Variants in DAB1 observed in about 807,000 individuals in gnomAD.
DAB1 encodes the protein disabled homolog 1.
Under a neutral mutation model 64.6 loss-of-function variants are expected in DAB1, and 15 were observed. That is an observed-to-expected ratio of 0.23 (90% CI 0.16 to 0.36). DAB1 has a LOEUF of 0.36. DAB1 is among the 10% of genes least tolerant of loss of function. The pLI is 1.00. For synonymous variants in DAB1, 235 were observed against 251.9 expected, an observed-to-expected ratio of 0.93 and a Z score of 0.64; for missense variants, 596 against 706.7, an observed-to-expected ratio of 0.84 and a Z score of 1.78.
intron 5 of DAB1, among the ~76,000 whole-genome samples, chr1:58,030,021 C>A (rs546614023): frequency 4.6e-5 from 7 of 152,144 alleles, no homozygotes; most frequent in African/African-American, 1.7e-4. Flanking sequence ...ACCTGGCCAA[C>A]AAGGTGAAAC....
intron 9 of DAB1, among the ~76,000 whole-genome samples, chr1:57,026,288 A>T (rs894534374): frequency 6.6e-6 from 1 of 152,202 alleles, no homozygotes; most frequent in East Asian, 1.9e-4. Context: ...CTGCCCATTA[A>T]TCACTTCCCA....
At chr1:57,254,945 T>TA (rs891788846) in intron 2 of DAB1, among the ~76,000 whole-genome samples, 1 of 151,762 alleles carries the variant, frequency 6.6e-6, no homozygotes, top group African/African-American at 2.4e-5. Context: ...CCTTAAACAT[T>TA]AAAAAAAATG....
chr1:57,674,218 G>T (rs779354348), intron 6 of DAB1, among the ~76,000 whole-genome samples: 1 of 152,132 alleles, frequency 6.6e-6, no homozygotes, highest in Non-Finnish European at 1.5e-5. Context: ...GAAGGCATTT[G>T]AAAAACTCTT....
chr1:57,303,086 A>G (rs1270167529), intron 1 of DAB1, among the ~76,000 whole-genome samples: 4 of 152,342 alleles, frequency 2.6e-5, no homozygotes, highest in Non-Finnish European at 4.4e-5. Flanking sequence ...CCTGATGTAG[A>G]CGACTGAGAT....
chr1:57,478,019 A>G (rs1358209292), intron 7 of DAB1, among the ~76,000 whole-genome samples: 2 of 151,696 alleles, frequency 1.3e-5, no homozygotes, highest in Non-Finnish European at 2.9e-5. Context: ...CGTCATTTAC[A>G]TTAGGTATCT....
upstream of DAB1, among the ~76,000 whole-genome samples, chr1:57,424,433 G>A (rs944554207): frequency 1.3e-5 from 2 of 151,976 alleles, no homozygotes; most frequent in African/African-American, 4.8e-5. Context: ...AAGGGGGAGA[G>A]ACGAGCCGAG....
chr1:57,956,926 C>G (rs1645406127), intron 5 of DAB1, among the ~76,000 whole-genome samples: 1 of 152,176 alleles, frequency 6.6e-6, no homozygotes. Flanking sequence ...AAATTACTCC[C>G]TCAGAAAAAC....
At chr1:57,659,978 AAAATAAATAAATAAAT>A (rs55782137) in intron 6 of DAB1, among the ~76,000 whole-genome samples, 6 of 138,756 alleles carry the variant, frequency 4.3e-5, no homozygotes, top group East Asian at 2.1e-4. Flanking sequence ...CTCTCTCTCA[AAAATAAATAAATAAAT>A]AAATAAATAA....
At chr1:58,543,118 G>A (rs987961044) in intron 1 of DAB1, among the ~76,000 whole-genome samples, 8 of 152,102 alleles carry the variant, frequency 5.3e-5, no homozygotes, top group African/African-American at 1.4e-4. Context: ...TGAAACCATT[G>A]TACTTCCTAC....
chr1:58,085,094 G>GA (rs1650222487), intron 5 of DAB1, among the ~76,000 whole-genome samples: 1 of 152,118 alleles, frequency 6.6e-6, no homozygotes, highest in South Asian at 2.1e-4. Context: ...TTATCAGGAG[G>GA]AAAAAATGAA....
chr1:57,566,120 C>T (rs562261148), intron 7 of DAB1, among the ~76,000 whole-genome samples: 3 of 152,282 alleles, frequency 2.0e-5, no homozygotes, highest in Admixed American at 2.0e-4. Flanking sequence ...GATTAAGAAA[C>T]TCACTCAAAA....
chr1:58,417,036 C>A (rs1218334451), intron 3 of DAB1, among the ~76,000 whole-genome samples: 1 of 152,116 alleles, frequency 6.6e-6, no homozygotes, highest in African/African-American at 2.4e-5. Context: ...TTCTTTTTCA[C>A]TTTTTTAATG....
intron 3 of DAB1, chr1:58,462,817 G>A (rs1376360403): frequency 6.6e-6 from 1 of 152,192 alleles, no homozygotes; most frequent in East Asian, 1.9e-4. Context: ...GATGAAGACA[G>A]ACATACCTCT....
chr1:57,095,507 C>T (rs1654076628), intron 4 of DAB1, among the ~76,000 whole-genome samples: 1 of 152,180 alleles, frequency 6.6e-6, no homozygotes, highest in Admixed American at 6.5e-5. Flanking sequence ...CTTAGACTCC[C>T]CATTTCAAAC....
intron 1 of DAB1, among the ~76,000 whole-genome samples, chr1:57,315,112 C>T (rs2100745709): frequency 1.3e-5 from 2 of 152,240 alleles, no homozygotes; most frequent in South Asian, 4.1e-4. Context: ...GCTTCAGGGT[C>T]TTTGCAGTTG....
chr1:58,127,029 G>A (rs995244616), intron 5 of DAB1, among the ~76,000 whole-genome samples: 11 of 150,550 alleles, frequency 7.3e-5, no homozygotes, highest in East Asian at 2.0e-4. Flanking sequence ...CTGAGGAATC[G>A]CCACACTGAC....
chr1:57,630,576 C>A (rs537365526), intron 7 of DAB1, among the ~76,000 whole-genome samples: 1 of 152,098 alleles, frequency 6.6e-6, no homozygotes, highest in Non-Finnish European at 1.5e-5. Flanking sequence ...GAACTGAGTT[C>A]AAATCTTAAT....
intron 5 of DAB1, among the ~76,000 whole-genome samples, chr1:57,954,715 G>A (rs942240534): frequency 6.6e-6 from 1 of 152,156 alleles, no homozygotes; most frequent in African/African-American, 2.4e-5. Flanking sequence ...TGGAGTTCAG[G>A]ATTAGTCTGA....
intron 4 of DAB1, among the ~76,000 whole-genome samples, chr1:58,235,493 G>C (rs1410218807): frequency 1.3e-5 from 2 of 152,196 alleles, no homozygotes; most frequent in African/African-American, 4.8e-5. Context: ...TTCTCTTTTA[G>C]ACTGGGAGCC....
Sources: allele counts gnomAD v4.1 joint callset (sites outside exome capture counted in the v4.1 genomes callset), GRCh38; gene constraint gnomAD v4.1.1; transcripts MANE v1.5; gene names NCBI Gene and HGNC (gene_info 2026-07-23, HGNC 2026-07-21).